Variants in SLC38A4 observed in about 807,000 individuals in gnomAD.
SLC38A4 encodes the protein solute carrier family 38 member 4, also known as sodium-coupled neutral amino acid transporter 4.
Under a neutral mutation model 63.1 loss-of-function variants are expected in SLC38A4, and 20 were observed. That is an observed-to-expected ratio of 0.32 (90% confidence interval 0.22 to 0.46). The LOEUF is 0.46. Among genes scored for constraint, SLC38A4 ranks in the 20% least tolerant of loss-of-function variants. SLC38A4 has a pLI of 1.00. For missense variants in SLC38A4, 526 were observed against 663.6 expected, an observed-to-expected ratio of 0.79 and a Z score of 2.28; for synonymous variants, 230 against 225.5, an observed-to-expected ratio of 1.02 and a Z score of -0.18.
chr12:46,808,264 G>A (rs1469180342), intron 1 of SLC38A4, among the ~76,000 whole-genome samples: 2 of 151,892 alleles, frequency 1.3e-5, no homozygotes, highest in Admixed American at 6.6e-5. Context: ...TCCATTCTAA[G>A]AAACCCCACC....
At chr12:46,814,254 G>A (rs1007610467) in intron 1 of SLC38A4, among the ~76,000 whole-genome samples, 3 of 151,886 alleles carry the variant, frequency 2.0e-5, no homozygotes, top group African/African-American at 7.3e-5. Flanking sequence ...TATACTATTG[G>A]TTGGCACTGG....
chr12:46,815,274 T>TAC (rs1939418726), intron 1 of SLC38A4, among the ~76,000 whole-genome samples: 1 of 69,480 alleles, frequency 1.4e-5, no homozygotes, highest in African/African-American at 5.8e-5. Context: ...TATATATATA[T>TAC]ATATATATAT....
chr12:46,780,524 T>C (rs1938617249), intron 7 of SLC38A4, among the ~76,000 whole-genome samples: 1 of 151,956 alleles, frequency 6.6e-6, no homozygotes, highest in Non-Finnish European at 1.5e-5. Context: ...CTCAGACCAC[T>C]TATTGTCAGA....
At chr12:46,767,172 T>C (rs1344133137) in intron 16 of SLC38A4, among the ~76,000 whole-genome samples, 1 of 152,044 alleles carries the variant, frequency 6.6e-6, no homozygotes, top group Non-Finnish European at 1.5e-5. Flanking sequence ...ATATATGATA[T>C]GATTCTAATT....
intron 7 of SLC38A4, among the ~76,000 whole-genome samples, chr12:46,780,302 G>T (rs1938613165): frequency 6.6e-6 from 1 of 151,942 alleles, no homozygotes; most frequent in Non-Finnish European, 1.5e-5. Context: ...CTAAGGTTCT[G>T]CCCTCATTAG....
At chr12:46,807,248 C>G (rs1331788459) in intron 1 of SLC38A4, among the ~76,000 whole-genome samples, 1 of 151,986 alleles carries the variant, frequency 6.6e-6, no homozygotes, top group Admixed American at 6.6e-5. Context: ...TCTTTGCTCT[C>G]ACTTCAATTT....
chr12:46,806,596 A>T (rs1207232438), intron 1 of SLC38A4, among the ~76,000 whole-genome samples: 1 of 151,978 alleles, frequency 6.6e-6, no homozygotes, highest in African/African-American at 2.4e-5. Flanking sequence ...TTGTATTCCT[A>T]TTTCTTTTTA....
At chr12:46,791,073 G>C (rs537138057) in intron 3 of SLC38A4, among the ~76,000 whole-genome samples, 2 of 152,282 alleles carry the variant, frequency 1.3e-5, no homozygotes, top group South Asian at 2.1e-4. Context: ...ATGACACTAT[G>C]ACAGTTCTTA....
intron 5 of SLC38A4, among the ~76,000 whole-genome samples, chr12:46,786,235 C>T (rs1005936220): frequency 3.3e-5 from 5 of 152,020 alleles, no homozygotes; most frequent in Admixed American, 2.6e-4. Context: ...AATGAGCATT[C>T]CCTGTATTCT....
intron 2 of SLC38A4, among the ~76,000 whole-genome samples, chr12:46,795,687 G>T (rs1447061234): frequency 6.6e-6 from 1 of 151,664 alleles, no homozygotes; most frequent in Non-Finnish European, 1.5e-5. Flanking sequence ...TCTTTATTTT[G>T]CCTTCAAACT....
chr12:46,767,969 C>T (rs117024567), intron 16 of SLC38A4, among the ~76,000 whole-genome samples: 3,033 of 152,134 alleles, frequency 0.02, 57 homozygotes, highest in South Asian at 0.038. Context: ...TCCATAACAC[C>T]GCTAGGGAGC....
Position 46,793,879 on chromosome 12 carries a change from T to C in SLC38A4, c.-112-696A>G, listed in dbSNP as rs377691971. 8.7e-4 allele frequency among the ~76,000 whole-genome samples: 132 copies of C among 152,284 alleles called. 4 individuals carry two copies. In the South Asian group the frequency reaches 0.026, roughly 30 times the overall value. ...TAGCCTCTGCTCTGCCTTTAATTCA[T>C]TGGATCTCAGCAGAAGTCATTTAAC... On this transcript the variant is annotated intron_variant, in intron 2 of 16. Coordinates refer to ENST00000266579, the MANE Select transcript of SLC38A4 (RefSeq NM_018018.5).
At chr12:46,800,504 C>T (rs373881818) in intron 2 of SLC38A4, among the ~76,000 whole-genome samples, 2 of 152,090 alleles carry the variant, frequency 1.3e-5, no homozygotes, top group South Asian at 2.1e-4. Flanking sequence ...CTGCCATTCC[C>T]CACATTCTTA....
chr12:46,830,683 G>T (rs1274932292), upstream of SLC38A4, among the ~76,000 whole-genome samples: 1 of 152,156 alleles, frequency 6.6e-6, no homozygotes, highest in African/African-American at 2.4e-5. Context: ...CCAAGCAGTG[G>T]GTCCTTTAGC....
Position 46,818,275 on chromosome 12 carries a change from G to C in SLC38A4, c.-305+7628C>G, listed in dbSNP as rs1939479136. 2.6e-5 allele frequency among the ~76,000 whole-genome samples: 4 copies of C among 152,028 alleles called. No homozygotes were observed. In the South Asian group the frequency reaches 8.3e-4, roughly 31 times the overall value. Reference sequence around the variant, plus strand: ...TGTCAGTGAGTTCTGCCACACTAGAGTCTTAAGAGAAGCAGCTTAGACAAA... The same window carrying C: ...TGTCAGTGAGTTCTGCCACACTAGACTCTTAAGAGAAGCAGCTTAGACAAA... On this transcript the variant is annotated intron_variant, in intron 1 of 16. Coordinates refer to ENST00000266579, the MANE Select transcript of SLC38A4 (RefSeq NM_018018.5).
chr12:46,778,166 G>T, intron 12 of SLC38A4, 123 bp downstream of exon 12: 1 of 853,904 alleles, frequency 1.2e-6, no homozygotes, highest in Non-Finnish European at 1.9e-6. Flanking sequence ...TTACTGAGGA[G>T]TGGATGGAGT....
At chr12:46,815,596 T>A (rs1939428052) in intron 1 of SLC38A4, among the ~76,000 whole-genome samples, 1 of 151,784 alleles carries the variant, frequency 6.6e-6, no homozygotes, top group African/African-American at 2.4e-5. Flanking sequence ...TGTATATTTT[T>A]AAATCAGTGG....
intron 16 of SLC38A4, among the ~76,000 whole-genome samples, chr12:46,767,282 T>C (rs376369717): frequency 1.3e-5 from 2 of 152,072 alleles, no homozygotes; most frequent in South Asian, 2.1e-4. Context: ...CACACACATA[T>C]ATAAGGATAT....
intron 1 of SLC38A4, among the ~76,000 whole-genome samples, chr12:46,813,927 A>T (rs1939386423): frequency 6.6e-6 from 1 of 152,054 alleles, no homozygotes; most frequent in African/African-American, 2.4e-5. Context: ...ATGCATATTT[A>T]AAGAATTGTC....
Sources: allele counts gnomAD v4.1 joint callset (sites outside exome capture counted in the v4.1 genomes callset), GRCh38; gene constraint gnomAD v4.1.1; transcripts MANE v1.5; gene names NCBI Gene and HGNC (gene_info 2026-07-23, HGNC 2026-07-21).